CDK13: variants seen among roughly 807,000 people sequenced by gnomAD.
CDK13 encodes cyclin dependent kinase 13.
In CDK13, 40 loss-of-function variants were observed where a neutral mutation model predicts 137.6. The ratio of observed to expected loss-of-function variants is 0.29; its 90% CI spans 0.23 to 0.38. The LOEUF is 0.38. CDK13 is among the 10% of genes least tolerant of loss of function. CDK13 has a pLI of 1.00. For missense variants in CDK13, 1,704 were observed against 1,951.8 expected, an observed-to-expected ratio of 0.87 and a Z score of 2.39; for synonymous variants, 869 against 760.1, an observed-to-expected ratio of 1.14 and a Z score of -2.36.
At chr7:39,957,090 CGTGTGTGTGTGTGTGTGTGT>C (rs70996865) in intron 1 of CDK13, among the ~76,000 whole-genome samples, 2 of 140,934 alleles carry the variant, frequency 1.4e-5, no homozygotes, top group East Asian at 2.1e-4. Context: ...ATCCCACTGT[CGTGTGTGTGTGTGTGTGTGT>C]GTGTGTGTGT....
At position 39,951,109 on chromosome 7, in the gene CDK13, G is replaced by T. The variant is rs1339809436; in HGVS notation, c.468G>T (p.Gly156=). Residue 156 remains glycine (G), a synonymous_variant, in exon 1 of 14, where the codon GGG becomes GGT. Transcript: ENST00000181839. The part of the protein sequence containing the change: ...YEDVSSQSEQ[G]LLLGGASAAT... Reference sequence around the variant, plus strand: ...ATGTGAGCTCCCAGTCCGAGCAGGGGCTGCTGCTGGGGGGGGCCAGCGCGG... The same window carrying T: ...ATGTGAGCTCCCAGTCCGAGCAGGGTCTGCTGCTGGGGGGGGCCAGCGCGG... 67 of 1,249,292 alleles carry T rather than the reference G, an allele frequency of 5.4e-5. 1 individual carries two copies. The highest frequency in any genetic ancestry group is 7.0e-6 in the Non-Finnish European group (7 of 998,056). The allele number at this position is 1,249,292 out of a possible 1,614,324, so 77.4% of individuals were successfully genotyped here. A position where few individuals can be genotyped will look rare whatever the true frequency, so the allele number is the denominator to read the frequency against.
At chr7:40,032,569 T>C (rs1785403190) in intron 5 of CDK13, among the ~76,000 whole-genome samples, 1 of 152,246 alleles carries the variant, frequency 6.6e-6, no homozygotes, top group African/African-American at 2.4e-5. Context: ...GTGAAAGGTA[T>C]AAGGTTTGTG....
chr7:40,066,382 C>T (rs1786279516), intron 9 of CDK13, among the ~76,000 whole-genome samples: 1 of 152,196 alleles, frequency 6.6e-6, no homozygotes, highest in Non-Finnish European at 1.5e-5. Context: ...TTCATTCCCT[C>T]TGTAAAGAAA....
At position 40,003,153 on chromosome 7, in the gene CDK13, TACACACACACACACACACACACACACAC is replaced by T. The variant is rs71560157; in HGVS notation, c.2353+1149_2353+1176del. On this transcript the variant is annotated intron_variant, in intron 5 of 13. Coordinates refer to ENST00000181839, the MANE Select transcript of CDK13 (RefSeq NM_003718.5). Reference sequence around the variant, plus strand: ...TACTTAGACTCCTGTCTTCCCCAGCTACACACACACACACACACACACACACACACACACACACACACACACACACACA... The same window carrying T: ...TACTTAGACTCCTGTCTTCCCCAGCTACACACACACACACACACACACACA... Among the ~76,000 whole-genome samples the T allele has an allele frequency of 1.8e-3, 212 of 119,956 alleles. 1 individual carries two copies. The highest frequency in any genetic ancestry group is 7.1e-3 in the African/African-American group (210 of 29,758). 78.7% of individuals were successfully genotyped at this position (119,956 alleles called of 152,430 possible).
In CDK13 at chr7:40,096,810, T is replaced by C. The variant is rs538775942; in HGVS notation, c.*1830T>C. 1.4e-4 allele frequency: 22 copies of C among 152,252 alleles called. No homozygotes were observed. The highest frequency in any genetic ancestry group is 4.8e-4 in the African/African-American group (20 of 41,588). The allele number at this position is 152,252 out of a possible 1,614,324, so 9.4% of individuals were successfully genotyped here. A position where few individuals can be genotyped will look rare whatever the true frequency, so the allele number is the denominator to read the frequency against. On this transcript the variant is annotated 3_prime_UTR_variant, in exon 14 of 14. Transcript: ENST00000181839. Reference sequence around the variant, plus strand: ...ACCATTTTATTTTTTGATGGACTCTTTTTGTTGGGAGAAAGAAATGAATGG... The same window carrying C: ...ACCATTTTATTTTTTGATGGACTCTCTTTGTTGGGAGAAAGAAATGAATGG...
rs184201122 is a variant in CDK13, at chr7:40,067,102, C to T, written c.2780+4002C>T. ...CACTTGAATTATCTCAGTTAAGCTT[C>T]GTAACAACCCTATGTCTTCTCTTTA... On this transcript the variant is annotated intron_variant, in intron 9 of 13. Transcript: ENST00000181839. Among the ~76,000 whole-genome samples the T allele has an allele frequency of 6.1e-3, 925 of 152,220 alleles. 4 individuals carry two copies. The highest frequency in any genetic ancestry group is 0.01 in the Non-Finnish European group (712 of 68,006).
intron 2 of CDK13, among the ~76,000 whole-genome samples, chr7:39,994,163 T>A (rs1214636707): frequency 6.6e-6 from 1 of 152,122 alleles, no homozygotes; most frequent in East Asian, 1.9e-4. Flanking sequence ...TTTTGACATT[T>A]GTTTTGCTTT....
chr7:40,019,719 A>AC lies in CDK13; in HGVS notation c.2353+17690dup, dbSNP rs1373840666. Among the ~76,000 whole-genome samples, 10 of 152,322 alleles carry AC rather than the reference A, an allele frequency of 6.6e-5. 1 individual carries two copies. The South Asian group carries it at 1.7e-3, about 25-fold the overall frequency. On this transcript the variant is annotated intron_variant, in intron 5 of 13. Transcript: ENST00000181839. The stretch of plus-strand genomic sequence containing the variant: ...CTAGCCAAGTTGGCACATGAAATTA[A>AC]CCTTCAAACTGTAACAAGTTGATTT...
At chr7:39,971,298 A>C (rs113139382) in intron 1 of CDK13, among the ~76,000 whole-genome samples, 7,125 of 151,880 alleles carry the variant, frequency 0.047, 604 homozygotes, top group African/African-American at 0.16. Context: ...CAGCAGATCA[A>C]CTGAGGCCAG....
chr7:39,988,044 A>C lies in CDK13; in HGVS notation c.1657A>C (p.Ile553Leu), dbSNP rs1370702239. The change falls in exon 2 of 14, where the codon ATT becomes CTT. Residue 553 changes from isoleucine to leucine, a missense_variant. By Grantham distance (5) the Ile-to-Leu change is conservative (BLOSUM62 2). Coordinates refer to ENST00000181839, the MANE Select transcript of CDK13 (RefSeq NM_003718.5). ...LQVTKVENNL[I>L]VDKATKKAVI... is the part of the protein sequence containing the mutation. ...GGTAACGAAGGTGGAAAATAATTTGATTGTAGATAAAGCCACCAAGAAAGC... is the reference window on the plus strand; with the variant it reads ...GGTAACGAAGGTGGAAAATAATTTGCTTGTAGATAAAGCCACCAAGAAAGC... The C allele has an allele frequency of 6.2e-7, 1 of 1,614,112 alleles. No individual in the cohort carries two copies.
chr7:40,087,963 TG>T (rs17496698), intron 11 of CDK13, among the ~76,000 whole-genome samples, 162 bp from the exon 12 acceptor site: 44 of 151,980 alleles, frequency 2.9e-4, no homozygotes, highest in African/African-American at 1.0e-3. Flanking sequence ...CTGAAGGAAG[TG>T]GGACAATAAG....
intron 1 of CDK13, among the ~76,000 whole-genome samples, chr7:39,953,105 G>A (rs891613747): frequency 2.0e-5 from 3 of 152,138 alleles, no homozygotes; most frequent in African/African-American, 7.2e-5. Context: ...TGCAAAATTA[G>A]CAGACCTTTT....
At chr7:39,979,792 C>A (rs1784186198) in intron 1 of CDK13, among the ~76,000 whole-genome samples, 1 of 151,930 alleles carries the variant, frequency 6.6e-6, no homozygotes, top group African/African-American at 2.4e-5. Context: ...TGTGTAATCA[C>A]AAGGATTTTT....
At chr7:40,089,133 CTT>C (rs1786857532) in intron 12 of CDK13, among the ~76,000 whole-genome samples, 2 of 149,744 alleles carry the variant, frequency 1.3e-5, no homozygotes, top group African/African-American at 4.9e-5. Flanking sequence ...CCCAAAATAA[CTT>C]AAAATATGAG....
chr7:40,030,767 C>A (rs1242194121), intron 5 of CDK13, among the ~76,000 whole-genome samples: 1 of 151,972 alleles, frequency 6.6e-6, no homozygotes, highest in Admixed American at 6.6e-5. Context: ...TGGAATCATA[C>A]AATACGTAGA....
In CDK13 at chr7:40,094,677, C is replaced by G; in HGVS notation, c.4236C>G (p.Leu1412=). Residue 1412 remains leucine, a synonymous_variant, in exon 14 of 14, where the codon CTC becomes CTG. Transcript: ENST00000181839. ...SSVAGYGDIY[L]NAGPMLFSGD... ...TAGCTGGATATGGAGACATTTACCT[C>G]AATGCTGGTCCCATGTTGTTTAGTG... is the stretch of plus-strand genomic sequence containing the variant. 6.2e-7 allele frequency: 1 copy of G among 1,614,162 alleles called. No individual in the cohort carries two copies.
At chr7:40,057,802 G>A (rs1014833056) in intron 7 of CDK13, among the ~76,000 whole-genome samples, 4 of 152,126 alleles carry the variant, frequency 2.6e-5, no homozygotes, top group African/African-American at 9.7e-5. Flanking sequence ...TTTCTCTATA[G>A]CACTGTGATG....
intron 9 of CDK13, among the ~76,000 whole-genome samples, chr7:40,066,354 T>C (rs995365586): frequency 6.6e-6 from 1 of 152,244 alleles, no homozygotes; most frequent in Non-Finnish European, 1.5e-5. Flanking sequence ...AAGAGTCTTA[T>C]TAGATTAATT....
At chr7:40,020,148 A>G (rs927910613) in intron 5 of CDK13, among the ~76,000 whole-genome samples, 2 of 152,046 alleles carry the variant, frequency 1.3e-5, no homozygotes, top group Non-Finnish European at 2.9e-5. Flanking sequence ...GCTCACTGCA[A>G]CCTTCAGCTC....
Sources: gnomAD v4.1 joint callset for allele counts (sites outside exome capture counted in the v4.1 genomes callset) on GRCh38, gnomAD v4.1.1 for gene constraint, MANE v1.5 for transcripts, NCBI Gene and HGNC (gene_info 2026-07-23, HGNC 2026-07-21) for gene names.